Variants in DNAH11 observed in about 807,000 individuals in gnomAD.
DNAH11 encodes the protein dynein axonemal heavy chain 11.
DNAH11 carries 442 observed loss-of-function variants against 526.0 expected under a neutral mutation model. That is an observed-to-expected ratio of 0.84 (90% CI 0.78 to 0.91). DNAH11 has a LOEUF of 0.91. DNAH11 is among the 40% of genes least tolerant of loss of function. DNAH11 has a pLI of 0.00. For missense variants in DNAH11, 6,989 were observed against 5,448.7 expected, an observed-to-expected ratio of 1.28 and a Z score of -8.90; for synonymous variants, 2,461 against 1,935.9, an observed-to-expected ratio of 1.27 and a Z score of -7.12.
At position 21,543,515 on chromosome 7, in the gene DNAH11, T is replaced by C. The variant is rs750522660; in HGVS notation, c.270T>C (p.Leu90=). The C allele has an allele frequency of 7.5e-6, 12 of 1,609,604 alleles. No homozygotes were observed. The highest frequency in any genetic ancestry group is 1.6e-4 in the Middle Eastern group (1 of 6,078). Residue 90 remains leucine, a synonymous_variant, in exon 1 of 82, where the codon CTT becomes CTC. Transcript: ENST00000409508. ...YLESEDNRQV[L]GEFLESTSPA... ...AAAGCGAGGACAACCGGCAGGTTCT[T>C]GGGGAGTTTCTGGAAAGCACCAGCC... is the stretch of plus-strand genomic sequence containing the variant.
At chr7:21,673,600 G>T (rs774330884) in intron 30 of DNAH11, among the ~76,000 whole-genome samples, 2 of 152,114 alleles carry the variant, frequency 1.3e-5, no homozygotes, top group African/African-American at 4.8e-5. Flanking sequence ...TCTCAAGGCT[G>T]CCCTGACTTT....
At chr7:21,751,253 G>A (rs953515711) in intron 54 of DNAH11, among the ~76,000 whole-genome samples, 2 of 152,166 alleles carry the variant, frequency 1.3e-5, no homozygotes, top group Non-Finnish European at 2.9e-5. Flanking sequence ...GAACCCAGGA[G>A]GCAGAGGTTG....
intron 9 of DNAH11, among the ~76,000 whole-genome samples, chr7:21,585,787 G>T (rs1474325634): frequency 1.3e-5 from 2 of 152,134 alleles, no homozygotes; most frequent in Non-Finnish European, 2.9e-5. Context: ...CCGAACAATG[G>T]CAATGGTGTT....
chr7:21,808,124 G>A, intron 63 of DNAH11, 75 bp downstream of exon 63: 3 of 1,236,856 alleles, frequency 2.4e-6, no homozygotes, highest in East Asian at 2.8e-5. Context: ...CCACATATAT[G>A]CCAGGCGCTT....
chr7:21,577,663 G>A (rs889627279), intron 8 of DNAH11, among the ~76,000 whole-genome samples: 3 of 152,196 alleles, frequency 2.0e-5, no homozygotes, highest in Non-Finnish European at 4.4e-5. Context: ...ATGAGTAAAT[G>A]CCGAGTGGAG....
At chr7:21,807,260 A>G (rs1789303911) in intron 62 of DNAH11, among the ~76,000 whole-genome samples, 1 of 152,170 alleles carries the variant, frequency 6.6e-6, no homozygotes, top group Admixed American at 6.5e-5. Flanking sequence ...GCACTTTAGA[A>G]GGCCAAGGCA....
chr7:21,637,402 T>C (rs1037114900), intron 26 of DNAH11, among the ~76,000 whole-genome samples: 2 of 152,216 alleles, frequency 1.3e-5, no homozygotes, highest in African/African-American at 4.8e-5. Flanking sequence ...CATTTATTTT[T>C]ATAAAAACGG....
At chr7:21,798,965 A>T (rs1423851017) in intron 61 of DNAH11, among the ~76,000 whole-genome samples, 1 of 152,158 alleles carries the variant, frequency 6.6e-6, no homozygotes, top group African/African-American at 2.4e-5. Flanking sequence ...AATACCACAA[A>T]TATTACTTGA....
chr7:21,657,931 G>C (rs10480006), intron 29 of DNAH11, among the ~76,000 whole-genome samples: 13,136 of 152,166 alleles, frequency 0.086, 736 homozygotes, highest in African/African-American at 0.16. Flanking sequence ...CAGGGGTGGA[G>C]GAAGAAGTCA....
rs370590804 is a variant in DNAH11 at position 21,789,279 on chromosome 7, C to T, written c.9963C>T (p.Ala3321=). Residue 3321 remains alanine (A), a synonymous_variant, in exon 61 of 82, where the codon GCC becomes GCT. Transcript: ENST00000409508. The part of the protein sequence containing the change: ...CDVEPKRQAL[A]QANLELAAAT... The stretch of plus-strand genomic sequence containing the variant: ...TGGAGCCAAAACGCCAAGCATTAGC[C>T]CAAGCAAACTTAGAACTGGCTGCAG... 4 of 1,577,932 alleles carry T rather than the reference C, an allele frequency of 2.5e-6. No homozygotes were observed. The African/African-American group carries it at 5.4e-5, about 21-fold the overall frequency.
At chr7:21,677,791 A>T (rs756616899) in intron 30 of DNAH11, among the ~76,000 whole-genome samples, 1 of 152,178 alleles carries the variant, frequency 6.6e-6, no homozygotes, top group Non-Finnish European at 1.5e-5. Flanking sequence ...GTGTGAGGTG[A>T]TAGCTCATTG....
At chr7:21,553,592 G>A (rs1027954342) in intron 2 of DNAH11, among the ~76,000 whole-genome samples, 1 of 152,196 alleles carries the variant, frequency 6.6e-6, no homozygotes, top group Non-Finnish European at 1.5e-5. Flanking sequence ...CAACGGTCAT[G>A]AGGTGGATCA....
At chr7:21,569,250 C>T (rs769087240) in intron 6 of DNAH11, among the ~76,000 whole-genome samples, 64 of 152,192 alleles carry the variant, frequency 4.2e-4, no homozygotes, top group South Asian at 8.3e-4. Context: ...ACATTCTAAG[C>T]GACCACAAAA....
chr7:21,867,213 A>G (rs1230777285), intron 71 of DNAH11, among the ~76,000 whole-genome samples: 1 of 152,146 alleles, frequency 6.6e-6, no homozygotes, highest in African/African-American at 2.4e-5. Flanking sequence ...CACAAGTCTC[A>G]TTCTAATTTG....
At position 21,787,507 on chromosome 7, in the gene DNAH11, C is replaced by CA; in HGVS notation, c.9851dup (p.Asn3284LysfsTer22). ...TATTTGAAAGACCCAGAGTTTAATC[C>CA]AAACCTGATTCGAACCAAATCTTTT... On this transcript the variant is annotated frameshift_variant, in exon 60 of 82. Transcript: ENST00000409508. LOFTEE classifies it high-confidence loss of function. 1 of 1,613,654 alleles carries CA rather than the reference C, an allele frequency of 6.2e-7. No homozygotes were observed.
At position 21,842,692 on chromosome 7, in the gene DNAH11, G is replaced by A; in HGVS notation, c.10840G>A (p.Ala3614Thr). 1 of 1,613,754 alleles carries A rather than the reference G, an allele frequency of 6.2e-7. No individual in the cohort carries two copies. The highest frequency in any genetic ancestry group is 8.5e-7 in the Non-Finnish European group (1 of 1,179,764). Residue 3614 changes from alanine to threonine, a missense_variant, in exon 66 of 82, where the codon GCC becomes ACC. Ala to Thr is a moderately conservative substitution (Grantham distance 58). Coordinates refer to ENST00000409508, the MANE Select transcript of DNAH11 (RefSeq NM_001277115.2). The part of the protein sequence containing the change: ...NFTVTEDGLE[A>T]QLLAEVVSIE... ...CACAGTCACAGAAGATGGTCTAGAA[G>A]CCCAGCTGCTGGCAGAGGTTGTCAG...
rs745332741 is a variant in DNAH11, at chr7:21,702,731, C to T, written c.6202C>T (p.Arg2068Cys). ...SKQDHYDWGL[R>C]AIKSVLVVAG... ...TTAGGATCATTACGACTGGGGACTT[C>T]GTGCTATTAAGTCTGTCTTGGTTGT... Residue 2068 changes from arginine (R) to cysteine (C), a missense_variant, in exon 37 of 82, where the codon CGT becomes TGT. Physicochemically the swap from Arg to Cys is radical, Grantham distance 180. Coordinates refer to ENST00000409508, the MANE Select transcript of DNAH11 (RefSeq NM_001277115.2). 6.2e-6 allele frequency: 10 copies of T among 1,613,486 alleles called. No homozygotes were observed. The highest frequency in any genetic ancestry group is 1.7e-5 in the Admixed American group (1 of 59,950).
rs375341444 is a variant in DNAH11, at chr7:21,698,185, C to T, written c.6152C>T (p.Thr2051Met). 37 of 1,613,414 alleles carry T rather than the reference C, an allele frequency of 2.3e-5. No individual in the cohort carries two copies. The highest frequency in any genetic ancestry group is 7.7e-5 in the South Asian group (7 of 91,020). The stretch of plus-strand genomic sequence containing the variant: ...GCCCGAAAGTTCATTACGTTGTACA[C>T]GCTTTGCAAGGAGCTTCTCTCCAAG... The part of the protein sequence containing the change: ...ALARKFITLY[T>M]LCKELLSKQD... The change falls in exon 36 of 82, where the codon ACG (threonine) becomes ATG (methionine). Residue 2051 changes from threonine (T) to methionine (M), a missense_variant. Transcript: ENST00000409508.
At chr7:21,619,428 A>C (rs779661261) in intron 24 of DNAH11, among the ~76,000 whole-genome samples, 7 of 152,158 alleles carry the variant, frequency 4.6e-5, no homozygotes, top group Non-Finnish European at 8.8e-5. Context: ...CTTGTTGATG[A>C]TGATGATTAT....
Sources: gnomAD v4.1 joint callset for allele counts (sites outside exome capture counted in the v4.1 genomes callset) on GRCh38, gnomAD v4.1.1 for gene constraint, MANE v1.5 for transcripts, NCBI Gene and HGNC (gene_info 2026-07-23, HGNC 2026-07-21) for gene names.